Variants in ZBTB20 observed in about 807,000 individuals in gnomAD.
ZBTB20 encodes zinc finger and BTB domain-containing protein 20.
A neutral mutation model predicts 56.9 loss-of-function variants in ZBTB20; 9 were observed. The observed-to-expected ratio is 0.16, with a 90% CI of 0.10 to 0.28. The LOEUF is 0.28. Among genes scored for constraint, ZBTB20 ranks in the 10% least tolerant of loss-of-function variants. The probability of loss-of-function intolerance (pLI) is 1.00; values close to 1 mark genes in which losing one functional copy is unlikely to be tolerated. For missense variants in ZBTB20, 655 were observed against 1,003.0 expected (o/e 0.65, Z 4.69); for synonymous variants, 417 against 420.7 (o/e 0.99, Z 0.11).
intron 2 of ZBTB20, among the ~76,000 whole-genome samples, chr3:114,977,835 C>A (rs941429440): frequency 6.6e-6 from 1 of 151,704 alleles, no homozygotes; most frequent in South Asian, 2.1e-4. Flanking sequence ...CATGGTGAAA[C>A]CCTGTCTCCA....
At chr3:115,125,978 T>C (rs563811736) in intron 1 of ZBTB20, among the ~76,000 whole-genome samples, 2 of 152,214 alleles carry the variant, frequency 1.3e-5, no homozygotes, top group East Asian at 3.9e-4. Context: ...GTATCTATAA[T>C]ATAAAGAACT....
intron 10 of ZBTB20, among the ~76,000 whole-genome samples, chr3:114,373,422 G>T (rs1414952282): frequency 6.6e-6 from 1 of 152,188 alleles, no homozygotes; most frequent in African/African-American, 2.4e-5. Flanking sequence ...CAAAGTATAA[G>T]AAGGCCTCAG....
Position 114,338,838 on chromosome 3 carries a change from G to T in ZBTB20, c.*167C>A. On this transcript the variant is annotated 3_prime_UTR_variant, in exon 12 of 12. Coordinates refer to ENST00000675478, the MANE Select transcript of ZBTB20 (RefSeq NM_001348800.3). Reference sequence around the variant, plus strand: ...CTCCGGAAATGTAATGTACCAGCAGGCAAAAAACAGTTCTTCATGTAGTAC... The same window carrying T: ...CTCCGGAAATGTAATGTACCAGCAGTCAAAAAACAGTTCTTCATGTAGTAC... The T allele has an allele frequency of 1.4e-6, 1 of 725,584 alleles. No individual in the cohort carries two copies. The highest frequency in any genetic ancestry group is 2.1e-6 in the Non-Finnish European group (1 of 485,252). The allele number at this position is 725,584 out of a possible 1,614,324, so 44.9% of individuals were successfully genotyped here. A position where few individuals can be genotyped will look rare whatever the true frequency, so the allele number is the denominator to read the frequency against.
rs149506181 is a variant in ZBTB20 at position 114,869,442 on chromosome 3, C to T, written c.-417+30862G>A. Among the ~76,000 whole-genome samples, 119 of 152,118 alleles carry T rather than the reference C, an allele frequency of 7.8e-4. 1 individual carries two copies. The East Asian group carries it at 0.015, about 20-fold the overall frequency. On this transcript the variant is annotated intron_variant, in intron 4 of 11. Transcript: ENST00000675478. Reference sequence around the variant, plus strand: ...CATGGAAGAATCTGGAGCAGTGGTACATTTTGCTCTTCAGAGATATTTTAT... The same window carrying T: ...CATGGAAGAATCTGGAGCAGTGGTATATTTTGCTCTTCAGAGATATTTTAT...
intron 6 of ZBTB20, among the ~76,000 whole-genome samples, chr3:114,657,895 G>T (rs908441304): frequency 2.0e-5 from 3 of 152,002 alleles, no homozygotes; most frequent in Admixed American, 6.6e-5. Context: ...TCCTGAAACA[G>T]TACAAGTTAC....
rs568177358 is a variant in ZBTB20 at position 114,403,513 on chromosome 3, C to A, written c.-254-14408G>T. 2.7e-4 allele frequency among the ~76,000 whole-genome samples: 41 copies of A among 152,040 alleles called. 1 individual carries two copies. In the South Asian group the frequency reaches 8.3e-3, roughly 31 times the overall value. ...CCTATTTATATGCTCCAACAAATAT[C>A]TGGAACTCTAGAAACTTCAAGAGTC... On this transcript the variant is annotated intron_variant, in intron 7 of 11. Coordinates refer to ENST00000675478, the MANE Select transcript of ZBTB20 (RefSeq NM_001348800.3).
chr3:114,395,178 A>T (rs2086224982), intron 7 of ZBTB20, among the ~76,000 whole-genome samples: 1 of 152,170 alleles, frequency 6.6e-6, no homozygotes, highest in South Asian at 2.1e-4. Flanking sequence ...ACGGGTTACT[A>T]ATTGGCAAAG....
At chr3:114,864,483 C>A (rs2075676437) in intron 4 of ZBTB20, among the ~76,000 whole-genome samples, 1 of 60,802 alleles carries the variant, frequency 1.6e-5, no homozygotes, top group South Asian at 8.5e-4. Flanking sequence ...CATATAATTA[C>A]AAGGATTTTT....
At chr3:114,887,830 A>G (rs1193487546) in intron 4 of ZBTB20, among the ~76,000 whole-genome samples, 1 of 152,188 alleles carries the variant, frequency 6.6e-6, no homozygotes, top group Non-Finnish European at 1.5e-5. Flanking sequence ...AGGAAGACAT[A>G]CAGAAGTTTT....
At chr3:114,769,397 A>G (rs1458478524) in intron 5 of ZBTB20, among the ~76,000 whole-genome samples, 2 of 151,450 alleles carry the variant, frequency 1.3e-5, no homozygotes, top group Middle Eastern at 3.2e-3. Context: ...TATCATACAT[A>G]TATACTATAT....
intron 6 of ZBTB20, among the ~76,000 whole-genome samples, chr3:114,584,898 C>A (rs781371280): frequency 2.0e-5 from 3 of 152,096 alleles, no homozygotes; most frequent in Non-Finnish European, 4.4e-5. Flanking sequence ...AGAAAGAATA[C>A]AAGGCAGCTG....
At chr3:114,782,163 A>G (rs2070152513) in intron 5 of ZBTB20, among the ~76,000 whole-genome samples, 1 of 152,190 alleles carries the variant, frequency 6.6e-6, no homozygotes, top group South Asian at 2.1e-4. Context: ...TATCTTATAC[A>G]TGTCTCAAAG....
At chr3:114,484,211 A>G (rs541967820) in intron 7 of ZBTB20, among the ~76,000 whole-genome samples, 4 of 152,268 alleles carry the variant, frequency 2.6e-5, no homozygotes, top group Non-Finnish European at 4.4e-5. Flanking sequence ...TATATGTGTA[A>G]ATATGCATCT....
intron 4 of ZBTB20, among the ~76,000 whole-genome samples, chr3:114,811,433 C>T (rs897773389): frequency 3.3e-5 from 5 of 152,010 alleles, no homozygotes; most frequent in African/African-American, 7.3e-5. Flanking sequence ...AAATTATGAA[C>T]GGATTTACAA....
At chr3:115,008,464 A>G (rs1280817655) in intron 2 of ZBTB20, among the ~76,000 whole-genome samples, 1 of 151,920 alleles carries the variant, frequency 6.6e-6, no homozygotes, top group Non-Finnish European at 1.5e-5. Context: ...AACCATAAAA[A>G]TGCTCCTGAT....
At chr3:114,831,035 T>A (rs1001151147) in intron 4 of ZBTB20, among the ~76,000 whole-genome samples, 1 of 148,392 alleles carries the variant, frequency 6.7e-6, no homozygotes, top group African/African-American at 2.4e-5. Flanking sequence ...TTGAGAACAA[T>A]TAAAATCCCT....
intron 2 of ZBTB20, among the ~76,000 whole-genome samples, chr3:115,041,386 T>C (rs2081135946): frequency 6.6e-6 from 1 of 152,122 alleles, no homozygotes; most frequent in African/African-American, 2.4e-5. Flanking sequence ...AAACCAAAAC[T>C]CTAGTTTTTT....
chr3:115,119,082 T>G (rs956250706), intron 1 of ZBTB20, among the ~76,000 whole-genome samples: 3 of 152,178 alleles, frequency 2.0e-5, no homozygotes, highest in Non-Finnish European at 4.4e-5. Context: ...AGATCCCCAC[T>G]TAACCTAACC....
intron 5 of ZBTB20, among the ~76,000 whole-genome samples, chr3:114,727,111 T>C (rs915234889): frequency 1.5e-4 from 23 of 152,014 alleles, no homozygotes; most frequent in African/African-American, 4.3e-4. Context: ...TACCTAGGGA[T>C]CAAAATTCTT....
Sources: allele counts gnomAD v4.1 joint callset (sites outside exome capture counted in the v4.1 genomes callset), GRCh38; gene constraint gnomAD v4.1.1; transcripts MANE v1.5; gene names NCBI Gene and HGNC (gene_info 2026-07-23, HGNC 2026-07-21).